Variants in TMEM260 observed in about 807,000 individuals in gnomAD.
TMEM260 encodes protein O-mannosyl-transferase TMEM260.
TMEM260 carries 82 observed loss-of-function variants against 88.9 expected under a neutral mutation model. That is an observed-to-expected ratio of 0.92 (90% CI 0.77 to 1.11). The LOEUF is 1.11. Ranked by LOEUF, TMEM260 falls within the 50% of genes least tolerant of loss-of-function variation. The pLI, the probability that TMEM260 is intolerant of heterozygous loss-of-function variation, is 0.00. For synonymous variants in TMEM260, 314 were observed against 309.3 expected, an observed-to-expected ratio of 1.02 and a Z score of -0.16; for missense variants, 902 against 853.4, an observed-to-expected ratio of 1.06 and a Z score of -0.71.
intron 3 of TMEM260, among the ~76,000 whole-genome samples, chr14:56,592,601 T>C (rs1347599707): frequency 6.6e-6 from 1 of 152,192 alleles, no homozygotes; most frequent in African/African-American, 2.4e-5. Flanking sequence ...AGGGAACTTT[T>C]ATATCATTTT....
chr14:56,582,982 A>T (rs566142242), intron 1 of TMEM260, among the ~76,000 whole-genome samples: 1 of 152,322 alleles, frequency 6.6e-6, no homozygotes, highest in East Asian at 1.9e-4. Flanking sequence ...CAGCACACTG[A>T]CTTTTCCATG....
At position 56,624,794 on chromosome 14, in the gene TMEM260, A is replaced by G. The variant is rs1016066227; in HGVS notation, c.1399-588A>G. The stretch of plus-strand genomic sequence containing the variant: ...TATTTACAGTGGTTCTGAAAGTTGA[A>G]TACACGTTCTCTAGGTCAGTGGTCC... On this transcript the variant is annotated intron_variant, in intron 11 of 15. Coordinates refer to ENST00000261556, the MANE Select transcript of TMEM260 (RefSeq NM_017799.4). Among the ~76,000 whole-genome samples the G allele has an allele frequency of 2.0e-5, 3 of 151,600 alleles. No individual in the cohort carries two copies. In the East Asian group the frequency reaches 5.9e-4, roughly 30 times the overall value.
At chr14:56,608,999 C>A (rs917693691) in intron 5 of TMEM260, 107 bp from the exon 6 acceptor site, 1 of 1,146,238 alleles carries the variant, frequency 8.7e-7, no homozygotes, top group Non-Finnish European at 1.3e-6. Context: ...ATTGGGAGAT[C>A]AGCTCTGAGT....
intron 6 of TMEM260, among the ~76,000 whole-genome samples, chr14:56,610,018 C>G (rs936715349): frequency 6.6e-6 from 1 of 151,888 alleles, no homozygotes; most frequent in Non-Finnish European, 1.5e-5. Flanking sequence ...ACCACTTATA[C>G]AAAACTCTAA....
At chr14:56,636,358 G>A in intron 14 of TMEM260, 150 bp from the exon 15 acceptor site, 1 of 653,032 alleles carries the variant, frequency 1.5e-6, no homozygotes. Context: ...TTGGTTCAGA[G>A]CAAATGTCCA....
intron 10 of TMEM260, 118 bp downstream of exon 10, chr14:56,618,881 C>A: frequency 2.0e-6 from 2 of 1,017,438 alleles, no homozygotes; most frequent in African/African-American, 1.6e-5. Context: ...AGTGAGACAG[C>A]TTGGTTGAAT....
chr14:56,646,881 A>T (rs111244789), intron 15 of TMEM260, among the ~76,000 whole-genome samples: 1 of 151,968 alleles, frequency 6.6e-6, no homozygotes, highest in Admixed American at 6.6e-5. Flanking sequence ...CAACAGCTAA[A>T]TTTAGAGTTT....
chr14:56,612,175 TA>T, intron 6 of TMEM260, 69 bp from the exon 7 acceptor site: 1 of 1,394,194 alleles, frequency 7.2e-7, no homozygotes, highest in Non-Finnish European at 1.0e-6. Flanking sequence ...TTAAGATTAT[TA>T]AAATACAATA....
intron 11 of TMEM260, among the ~76,000 whole-genome samples, chr14:56,624,530 C>G (rs1263536363): frequency 6.6e-6 from 1 of 152,206 alleles, no homozygotes; most frequent in Non-Finnish European, 1.5e-5. Flanking sequence ...GATCATGCCA[C>G]TGTACTCCAG....
At chr14:56,629,384 T>G (rs1888439929) in intron 12 of TMEM260, among the ~76,000 whole-genome samples, 1 of 152,050 alleles carries the variant, frequency 6.6e-6, no homozygotes, top group Non-Finnish European at 1.5e-5. Context: ...GTGATAACCT[T>G]ACTGTCATAT....
At chr14:56,663,084 G>A in the TMEM260 span, among the ~76,000 whole-genome samples, 26 of 152,212 alleles carry the variant, frequency 1.7e-4, no homozygotes, top group African/African-American at 4.6e-4. The surrounding 1 kb of genome is among the most constrained non-coding windows in gnomAD (Gnocchi z 4.1). Flanking sequence ...AGCCAAGATC[G>A]CGCTGTTGCC....
At position 56,646,065 on chromosome 14, in the gene TMEM260, G is replaced by A. The variant is rs530516229; in HGVS notation, c.1870-1178G>A. 4.9e-4 allele frequency among the ~76,000 whole-genome samples: 75 copies of A among 152,316 alleles called. 1 individual carries two copies. In the South Asian group the frequency reaches 0.015, roughly 31 times the overall value. On this transcript the variant is annotated intron_variant, in intron 15 of 15. Transcript: ENST00000261556. ...TGGCCTCGGCCTCCCAAAGTGCTGG[G>A]ATTGCAGGCATGGGCCACCGTGCCC...
At chr14:56,603,152 T>G (rs956176705) in intron 3 of TMEM260, among the ~76,000 whole-genome samples, 4 of 152,278 alleles carry the variant, frequency 2.6e-5, no homozygotes, top group Non-Finnish European at 4.4e-5. Context: ...GTGAGAAATT[T>G]GTTTCTGAGT....
Position 56,647,424 on chromosome 14 carries a change from A to G in TMEM260, c.2051A>G (p.Gln684Arg), listed in dbSNP as rs773108150. The change falls in exon 16 of 16, where the codon CAA becomes CGA. Residue 684 changes from glutamine to arginine, a missense_variant. Gln to Arg is a conservative substitution (Grantham distance 43, BLOSUM62 1). Transcript: ENST00000261556. Reference protein sequence around the residue: ...YSQKAPNDPQQADILGALKHL... With the variant: ...YSQKAPNDPQRADILGALKHL... ...CAGAAAGCACCGAATGACCCACAGC[A>G]AGCTGATATTTTAGGTGCTCTAAAG... 1 of 1,614,194 alleles carries G rather than the reference A, an allele frequency of 6.2e-7. No individual in the cohort carries two copies. The highest frequency in any genetic ancestry group is 8.5e-7 in the Non-Finnish European group (1 of 1,180,028).
chr14:56,624,482 G>T (rs1402473734), intron 11 of TMEM260, among the ~76,000 whole-genome samples: 1 of 152,190 alleles, frequency 6.6e-6, no homozygotes, highest in Non-Finnish European at 1.5e-5. Context: ...GCTTAGGTAG[G>T]AGAATGAACC....
the TMEM260 span, among the ~76,000 whole-genome samples, chr14:56,663,048 G>C: frequency 6.6e-6 from 1 of 152,160 alleles, no homozygotes; most frequent in African/African-American, 2.4e-5. The surrounding 1 kb of genome is among the most constrained non-coding windows in gnomAD (Gnocchi z 4.1). Context: ...AGAATCGCTT[G>C]AACCCAGGAG....
intron 4 of TMEM260, among the ~76,000 whole-genome samples, 158 bp from the exon 5 acceptor site, chr14:56,605,412 A>T (rs1886832277): frequency 6.6e-6 from 1 of 152,220 alleles, no homozygotes; most frequent in African/African-American, 2.4e-5. Flanking sequence ...ATAGTAACAA[A>T]TATGAATGAT....
chr14:56,584,477 AT>A (rs1385250281), intron 1 of TMEM260, among the ~76,000 whole-genome samples: 1 of 152,194 alleles, frequency 6.6e-6, no homozygotes, highest in Admixed American at 6.5e-5. Context: ...CCTTACCGAA[AT>A]AACGTGGAGT....
intron 12 of TMEM260, among the ~76,000 whole-genome samples, chr14:56,631,067 A>C (rs1285519491): frequency 6.6e-6 from 1 of 152,200 alleles, no homozygotes; most frequent in Non-Finnish European, 1.5e-5. Context: ...GAGGGGAATA[A>C]GACAGAAGGA....
Sources: gnomAD v4.1 joint callset for allele counts (sites outside exome capture counted in the v4.1 genomes callset) on GRCh38, gnomAD v4.1.1 for gene constraint, Gnocchi (gnomAD v3.1) non-coding constraint, MANE v1.5 for transcripts, NCBI Gene and HGNC (gene_info 2026-07-23, HGNC 2026-07-21) for gene names.